The following EPHA1 variants were observed in gnomAD, a reference collection of about 807,000 sequenced individuals.
The protein encoded by EPHA1 is ephrin type-A receptor 1.
A neutral mutation model predicts 110.1 loss-of-function variants in EPHA1; 92 were observed. The observed-to-expected ratio is 0.84, with a 90% CI of 0.71 to 0.99. EPHA1 has a LOEUF of 0.99. Among genes scored for constraint, EPHA1 ranks in the 50% least tolerant of loss-of-function variants. EPHA1 has a pLI of 0.00. For synonymous variants in EPHA1, 500 were observed against 516.1 expected, an observed-to-expected ratio of 0.97 and a Z score of 0.42; for missense variants, 1,204 against 1,285.4, an observed-to-expected ratio of 0.94 and a Z score of 0.97.
At position 143,401,644 on chromosome 7, in the gene EPHA1, C is replaced by G. The variant is rs1343318270; in HGVS notation, c.151-39G>C. 6.3e-7 allele frequency: 1 copy of G among 1,592,068 alleles called. No homozygotes were observed. Among genetic ancestry groups the G allele is most frequent in the Non-Finnish European group, 8.6e-7 (1 of 1,165,204 alleles). On this transcript the variant is annotated intron_variant, in intron 2 of 17. Transcript: ENST00000275815. The surrounding 1 kb of genome is among the most constrained non-coding windows in gnomAD (Gnocchi z 4.1). Reference sequence around the variant, plus strand: ...ATCAGAGTCAGGGACCAGATCATCCCCTGCTCCCCAAACCCTTGGTTTTTA... The same window carrying G: ...ATCAGAGTCAGGGACCAGATCATCCGCTGCTCCCCAAACCCTTGGTTTTTA...
intron 7 of EPHA1, 24 bp from the exon 8 acceptor site, chr7:143,398,094 T>C: frequency 1.2e-6 from 2 of 1,612,940 alleles, no homozygotes; most frequent in African/African-American, 2.7e-5. Context: ...TTGCATTAAG[T>C]GGGCAGTGCT....
At position 143,395,553 on chromosome 7, in the gene EPHA1, C is replaced by T. The variant is rs114064338; in HGVS notation, c.1898-49G>A. The T allele has an allele frequency of 4.1e-3, 6,535 of 1,590,762 alleles. 72 individuals carry two copies. The highest frequency in any genetic ancestry group is 0.026 in the African/African-American group (1,960 of 74,504). On this transcript the variant is annotated intron_variant, in intron 11 of 17. Coordinates refer to ENST00000275815, the MANE Select transcript of EPHA1 (RefSeq NM_005232.5). This position sits in a 1 kb window ranked among gnomAD's most constrained non-coding sequence, Gnocchi z 4.7. Reference sequence around the variant, plus strand: ...TGGCCCGATGCACTGCAGGGCTCCTCCAGGGGACAGGCAGCAACCCCTCCA... The same window carrying T: ...TGGCCCGATGCACTGCAGGGCTCCTTCAGGGGACAGGCAGCAACCCCTCCA...
At position 143,392,798 on chromosome 7, in the gene EPHA1, C is replaced by T. The variant is rs199502902; in HGVS notation, c.2696+873G>A. ...TTCTACTAAAAATACAAAAATTAGC[C>T]GGGCATGGTGGTATGTGCCTGTAAT... On this transcript the variant is annotated intron_variant, in intron 16 of 17. Coordinates refer to ENST00000275815, the MANE Select transcript of EPHA1 (RefSeq NM_005232.5). Among the ~76,000 whole-genome samples the T allele has an allele frequency of 1.1e-4, 16 of 152,172 alleles. No homozygotes were observed. In the East Asian group the frequency reaches 2.5e-3, roughly 24 times the overall value.
intron 2 of EPHA1, among the ~76,000 whole-genome samples, chr7:143,404,123 G>A (rs1245762132): frequency 6.6e-6 from 1 of 152,006 alleles, no homozygotes; most frequent in Non-Finnish European, 1.5e-5. Context: ...AGATTATAAT[G>A]ATCTATATTT....
At chr7:143,398,968 A>G (rs1201135906) in intron 5 of EPHA1, 23 bp from the exon 6 acceptor site, 4 of 1,557,358 alleles carry the variant, frequency 2.6e-6, no homozygotes, top group Non-Finnish European at 3.5e-6. Flanking sequence ...AGGAGCCATC[A>G]GTAGAAGCCG....
intron 16 of EPHA1, 83 bp from the exon 17 acceptor site, chr7:143,391,858 C>A: frequency 6.4e-7 from 1 of 1,560,766 alleles, no homozygotes; most frequent in Non-Finnish European, 8.7e-7. Context: ...GCAGCCAGCA[C>A]TGAAGTTCGG....
In EPHA1 at chr7:143,395,201, T is replaced by A; in HGVS notation, c.2084-19A>T. ...GGCTTTCCTGAGACACAGACACACATATCACACTCAGAACCGGGCTTCCTG... is the reference window on the plus strand; with the variant it reads ...GGCTTTCCTGAGACACAGACACACAAATCACACTCAGAACCGGGCTTCCTG... On this transcript the variant is annotated intron_variant, in intron 12 of 17. Transcript: ENST00000275815. This position sits in a 1 kb window ranked among gnomAD's most constrained non-coding sequence, Gnocchi z 4.7. 6.2e-7 allele frequency: 1 copy of A among 1,613,156 alleles called. No homozygotes were observed. Among genetic ancestry groups the A allele is most frequent in the African/African-American group, 1.3e-5 (1 of 75,014 alleles).
chr7:143,391,885 TC>T, intron 16 of EPHA1, 110 bp from the exon 17 acceptor site: 1 of 1,511,004 alleles, frequency 6.6e-7, no homozygotes, highest in Non-Finnish European at 8.8e-7. Context: ...GGCACAGAGA[TC>T]ATCTAGACTG....
Position 143,407,659 on chromosome 7 carries a change from G to A in EPHA1, c.102C>T (p.Ser34=), listed in dbSNP as rs1409404875. ...RAKEVTLMDT[S]KAQGELGWLL... Reference sequence around the variant, plus strand: ...GCCAGCCCAGCTCTCCCTGTGCCTTGCTTGTGTCCATCAGAGTAACTGAAA... The same window carrying A: ...GCCAGCCCAGCTCTCCCTGTGCCTTACTTGTGTCCATCAGAGTAACTGAAA... Residue 34 remains serine (S), a synonymous_variant, in exon 2 of 18, where the codon AGC becomes AGT. Transcript: ENST00000275815. 1.2e-6 allele frequency: 2 copies of A among 1,613,438 alleles called. No individual in the cohort carries two copies. Among genetic ancestry groups the A allele is most frequent in the Middle Eastern group, 1.7e-4 (1 of 6,054 alleles).
chr7:143,399,636 C>T lies in EPHA1; in HGVS notation c.835+15G>A, dbSNP rs372198629. 23 of 1,612,028 alleles carry T rather than the reference C, an allele frequency of 1.4e-5. No homozygotes were observed. The highest frequency in any genetic ancestry group is 2.2e-5 in the East Asian group (1 of 44,890). ...CCCGAGTGGTTCCTCAGGTTCTCAC[C>T]GCCTCCGTTCTTACCAACACATGCT... On this transcript the variant is annotated intron_variant, in intron 4 of 17. Coordinates refer to ENST00000275815, the MANE Select transcript of EPHA1 (RefSeq NM_005232.5).
At chr7:143,394,380 G>A in intron 14 of EPHA1, 37 bp from the exon 15 acceptor site, 1 of 1,583,318 alleles carries the variant, frequency 6.3e-7, no homozygotes. Flanking sequence ...GAAAGTTATG[G>A]TGTCCACCTG....
rs1253121297 is a variant in EPHA1 at position 143,395,932 on chromosome 7, A to G, written c.1898-428T>C. On this transcript the variant is annotated intron_variant, in intron 11 of 17. Transcript: ENST00000275815. This position sits in a 1 kb window ranked among gnomAD's most constrained non-coding sequence, Gnocchi z 4.7. ...TGCACAATTGGCAAGGACACCACCA[A>G]GCTTTGTTCTCCACTGAGATCCATT... Among the ~76,000 whole-genome samples, 4 of 152,184 alleles carry G rather than the reference A, an allele frequency of 2.6e-5. No homozygotes were observed. Among genetic ancestry groups the G allele is most frequent in the African/African-American group, 9.7e-5 (4 of 41,440 alleles).
chr7:143,399,996 C>T lies in EPHA1; in HGVS notation c.490G>A (p.Val164Met), dbSNP rs143405612. Residue 164 changes from valine (V) to methionine (M), a missense_variant, in exon 4 of 18, where the codon GTG becomes ATG. Coordinates refer to ENST00000275815, the MANE Select transcript of EPHA1 (RefSeq NM_005232.5). The part of the protein sequence containing the change: ...FTIRDLVSGS[V>M]KLNVERCSLG... ...GAGCAGCGCTCCACATTCAGCTTCA[C>T]GGAGCCAGACACAAGGTCTCGAATG... 511 of 1,613,788 alleles carry T rather than the reference C, an allele frequency of 3.2e-4. 1 individual carries two copies. Among genetic ancestry groups the T allele is most frequent in the Non-Finnish European group, 2.3e-4 (275 of 1,179,884 alleles).
At chr7:143,392,948 G>T in intron 16 of EPHA1, among the ~76,000 whole-genome samples, 1 of 148,826 alleles carries the variant, frequency 6.7e-6, no homozygotes, top group African/African-American at 2.5e-5. Flanking sequence ...TCTCGGGGTG[G>T]AAAAAAAAAC....
Position 143,395,242 on chromosome 7 carries a change from C to A in EPHA1, c.2084-60G>T, listed in dbSNP as rs1805211081. ...GGGCTTCCTGCCCTTGGCCACACAT[C>A]CTCCCTCCACTTCCAGTGGTTTCAC... On this transcript the variant is annotated intron_variant, in intron 12 of 17. Transcript: ENST00000275815. The surrounding 1 kb of genome is among the most constrained non-coding windows in gnomAD (Gnocchi z 4.7). 2 of 1,613,182 alleles carry A rather than the reference C, an allele frequency of 1.2e-6. No homozygotes were observed. Among genetic ancestry groups the A allele is most frequent in the African/African-American group, 2.7e-5 (2 of 75,056 alleles).
Position 143,395,120 on chromosome 7 carries a change from C to A in EPHA1, c.2145+1G>T. The A allele has an allele frequency of 6.2e-7, 1 of 1,614,070 alleles. No individual in the cohort carries two copies. Among genetic ancestry groups the A allele is most frequent in the Non-Finnish European group, 8.5e-7 (1 of 1,180,020 alleles). Reference sequence around the variant, plus strand: ...CCCAGCTAGTCCTCTGCCCTCCTCACCCTCAGGAAGGCATCCAGGGCTCCA... The same window carrying A: ...CCCAGCTAGTCCTCTGCCCTCCTCAACCTCAGGAAGGCATCCAGGGCTCCA... On this transcript the variant is annotated splice_donor_variant, in intron 13 of 17. Transcript: ENST00000275815. LOFTEE classifies it high-confidence loss of function. The surrounding 1 kb of genome is among the most constrained non-coding windows in gnomAD (Gnocchi z 4.7).
In EPHA1 at chr7:143,393,892, A is replaced by G. The variant is rs1805164637; in HGVS notation, c.2503-28T>C. ...GCACGGCGGGACAGGAGGATGCTCT[A>G]GAGTAGCAAGCTAACCTGGAGGCCC... On this transcript the variant is annotated intron_variant, in intron 15 of 17. Transcript: ENST00000275815. The surrounding 1 kb of genome is among the most constrained non-coding windows in gnomAD (Gnocchi z 5.6). 4 of 1,519,670 alleles carry G rather than the reference A, an allele frequency of 2.6e-6. No homozygotes were observed. The East Asian group carries it at 9.1e-5, about 35-fold the overall frequency. 94.1% of individuals were successfully genotyped at this position (1,519,670 alleles called of 1,614,324 possible).
intron 11 of EPHA1, 33 bp downstream of exon 11, chr7:143,396,352 G>A (rs771314104): frequency 1.3e-5 from 21 of 1,601,380 alleles, no homozygotes; most frequent in Non-Finnish European, 1.6e-5. Context: ...CCCACATGGC[G>A]GGGGGCCTGC....
In EPHA1 at chr7:143,391,731, G is replaced by A. The variant is rs751001344; in HGVS notation, c.2741C>T (p.Pro914Leu). 19 of 1,613,682 alleles carry A rather than the reference G, an allele frequency of 1.2e-5. No homozygotes were observed. The highest frequency in any genetic ancestry group is 3.3e-4 in the Middle Eastern group (2 of 6,082). ...GAGCCACTCAGAGACGGTTCGATAT[G>A]GGATCCCATCTGAGCCACTCAGGCT... is the stretch of plus-strand genomic sequence containing the variant. ...LPSLSGSDGIPYRTVSEWLES... is the reference protein window; with the variant it reads ...LPSLSGSDGILYRTVSEWLES... The change falls in exon 17 of 18, where the codon CCA becomes CTA. Residue 914 changes from proline to leucine, a missense_variant. By Grantham distance (98) the Pro-to-Leu change is moderately conservative. Coordinates refer to ENST00000275815, the MANE Select transcript of EPHA1 (RefSeq NM_005232.5).
Sources: allele counts gnomAD v4.1 joint callset (sites outside exome capture counted in the v4.1 genomes callset), GRCh38; gene constraint gnomAD v4.1.1; non-coding constraint Gnocchi (gnomAD v3.1); transcripts MANE v1.5; gene names NCBI Gene and HGNC (gene_info 2026-07-23, HGNC 2026-07-21).